DNAH6: variants seen among roughly 807,000 people sequenced by gnomAD.
DNAH6 encodes the protein axonemal beta dynein heavy chain 6.
DNAH6 carries 340 observed loss-of-function variants against 491.4 expected under a neutral mutation model. The ratio of observed to expected loss-of-function variants is 0.69; its 90% CI spans 0.63 to 0.76. DNAH6 has a LOEUF of 0.76. Ranked by LOEUF, DNAH6 falls within the 30% of genes least tolerant of loss-of-function variation. DNAH6 has a pLI of 0.00. For missense variants in DNAH6, 4,443 were observed against 4,972.2 expected (o/e 0.89, Z 3.20); for synonymous variants, 1,603 against 1,686.1 (o/e 0.95, Z 1.21).
intron 52 of DNAH6, 114 bp downstream of exon 52, chr2:84,705,861 T>G: frequency 8.2e-7 from 1 of 1,216,270 alleles, no homozygotes; most frequent in Non-Finnish European, 1.1e-6. Flanking sequence ...GTGACAAAAC[T>G]CTTGGAAATT....
chr2:84,632,023 C>T (rs77740754), intron 29 of DNAH6, among the ~76,000 whole-genome samples: 3,359 of 152,298 alleles, frequency 0.022, 53 homozygotes, highest in Middle Eastern at 0.1. Flanking sequence ...AACCCAATTG[C>T]GTCTGACTAC....
At chr2:84,751,020 A>T (rs1338501580) in intron 63 of DNAH6, 1 of 152,364 alleles carries the variant, frequency 6.6e-6, no homozygotes, top group Admixed American at 6.5e-5. Context: ...GCCAAGACCA[A>T]GGACAGTATC....
At chr2:84,556,537 T>C (rs1206316182) in intron 10 of DNAH6, among the ~76,000 whole-genome samples, 3 of 152,246 alleles carry the variant, frequency 2.0e-5, no homozygotes, top group Non-Finnish European at 4.4e-5. Flanking sequence ...CTTTATCTCA[T>C]TTTCTCTAAT....
At chr2:84,602,684 G>C (rs1685364164) in intron 18 of DNAH6, among the ~76,000 whole-genome samples, 1 of 150,108 alleles carries the variant, frequency 6.7e-6, no homozygotes, top group Non-Finnish European at 1.5e-5. Flanking sequence ...TTTTGCAGCT[G>C]TTATTTTTCA....
In DNAH6 at chr2:84,604,323, A is replaced by C. The variant is rs1190252069; in HGVS notation, c.2869-16A>C. 2.1e-5 allele frequency: 32 copies of C among 1,540,002 alleles called. No individual in the cohort carries two copies. Among genetic ancestry groups the C allele is most frequent in the Non-Finnish European group, 2.8e-5 (32 of 1,136,192 alleles). On this transcript the variant is annotated splice_polypyrimidine_tract_variant and intron_variant, in intron 18 of 76. Coordinates refer to ENST00000389394, the MANE Select transcript of DNAH6 (RefSeq NM_001370.2). ...AGATAAAAAGCTTCATGTCTCTGAG[A>C]GTGTTTGTTTTTCAGCTTCCAGTTA...
rs532782813 is a variant in DNAH6, at chr2:84,607,009, A to C, written c.3208A>C (p.Thr1070Pro). The part of the protein sequence containing the change: ...LLDDSTINVA[T>P]LASSRYLGPL... ...TGATGATAGCACCATCAATGTTGCA[A>C]CTCTTGCCTCATCACGTTACCTTGG... Residue 1070 changes from threonine to proline, a missense_variant, in exon 21 of 77, where the codon ACT (threonine) becomes CCT (proline). Thr to Pro is a conservative substitution (Grantham distance 38). Transcript: ENST00000389394. The C allele has an allele frequency of 1.9e-6, 3 of 1,551,196 alleles. No homozygotes were observed. The highest frequency in any genetic ancestry group is 2.7e-5 in the African/African-American group (2 of 72,986).
At chr2:84,567,240 G>T (rs3886211) in intron 11 of DNAH6, among the ~76,000 whole-genome samples, 1 of 151,628 alleles carries the variant, frequency 6.6e-6, no homozygotes, top group African/African-American at 2.4e-5. Context: ...TAGAGAGAGG[G>T]GAAACCAAAA....
chr2:84,524,210 CT>C (rs879620747), intron 2 of DNAH6, among the ~76,000 whole-genome samples: 2,439 of 141,606 alleles, frequency 0.017, 55 homozygotes, highest in African/African-American at 0.052. Flanking sequence ...CCTTTTTTGT[CT>C]TTTTTTTTTT....
intron 61 of DNAH6, among the ~76,000 whole-genome samples, chr2:84,732,446 A>C (rs1370570772): frequency 6.6e-6 from 1 of 152,230 alleles, no homozygotes; most frequent in Non-Finnish European, 1.5e-5. Context: ...AATATTATTC[A>C]ACCATAAGAA....
Position 84,727,809 on chromosome 2 carries a change from C to T in DNAH6, c.10113C>T (p.Ser3371=), listed in dbSNP as rs1488017176. The change falls in exon 61 of 77, where the codon AGC becomes AGT. Residue 3371 remains serine, a synonymous_variant. Coordinates refer to ENST00000389394, the MANE Select transcript of DNAH6 (RefSeq NM_001370.2). ...GLFEQHKLIY[S]FMLCVEMMRQ... ...TTGAGCAACATAAACTCATCTACAG[C>T]TTTATGCTTTGTGTTGAGATGATGC... 1 of 1,551,784 alleles carries T rather than the reference C, an allele frequency of 6.4e-7. No individual in the cohort carries two copies. The highest frequency in any genetic ancestry group is 8.7e-7 in the Non-Finnish European group (1 of 1,146,814).
intron 4 of DNAH6, among the ~76,000 whole-genome samples, chr2:84,529,426 A>G (rs564988101): frequency 6.6e-6 from 1 of 152,240 alleles, no homozygotes; most frequent in Non-Finnish European, 1.5e-5. Flanking sequence ...ATTTTTAATC[A>G]GTATTACATA....
intron 31 of DNAH6, among the ~76,000 whole-genome samples, chr2:84,638,490 A>G (rs1022594527): frequency 6.6e-6 from 1 of 152,084 alleles, no homozygotes; most frequent in Non-Finnish European, 1.5e-5. Flanking sequence ...GCTCCATGCT[A>G]CATTTCATAA....
Position 84,520,585 on chromosome 2 carries a change from C to A in DNAH6, c.225+2534C>A, listed in dbSNP as rs182867488. Among the ~76,000 whole-genome samples the A allele has an allele frequency of 3.4e-3, 523 of 152,176 alleles. 1 individual carries two copies. Among genetic ancestry groups the A allele is most frequent in the African/African-American group, 0.011 (475 of 41,542 alleles). The stretch of plus-strand genomic sequence containing the variant: ...TCCTCTCCCTCCTCACACCCTCCTC[C>A]CTCAAGTAGACTCCAGGGTCTCTTG... On this transcript the variant is annotated intron_variant, in intron 2 of 76. Transcript: ENST00000389394.
At chr2:84,610,549 T>C (rs1166321321) in intron 21 of DNAH6, among the ~76,000 whole-genome samples, 1 of 152,204 alleles carries the variant, frequency 6.6e-6, no homozygotes, top group African/African-American at 2.4e-5. Flanking sequence ...CTTTTGATTT[T>C]ATTCCACCTT....
At chr2:84,507,379 G>A in the DNAH6 span, among the ~76,000 whole-genome samples, 39 of 152,176 alleles carry the variant, frequency 2.6e-4, no homozygotes, top group Non-Finnish European at 5.3e-4. Context: ...TCTGTTATTG[G>A]TGTATAAGAA....
intron 41 of DNAH6, among the ~76,000 whole-genome samples, chr2:84,677,538 G>T (rs1693361742): frequency 1.3e-5 from 2 of 152,100 alleles, no homozygotes; most frequent in South Asian, 4.1e-4. Context: ...CACCTGATAT[G>T]CCAGAGAGCT....
chr2:84,714,176 C>A (rs1003615494), intron 57 of DNAH6, among the ~76,000 whole-genome samples: 2 of 152,208 alleles, frequency 1.3e-5, no homozygotes, highest in Non-Finnish European at 2.9e-5. Context: ...TTCTTCACCA[C>A]CACAACCCTC....
intron 11 of DNAH6, among the ~76,000 whole-genome samples, chr2:84,567,110 G>T (rs1681282092): frequency 6.6e-6 from 1 of 151,974 alleles, no homozygotes; most frequent in South Asian, 2.1e-4. Context: ...TGATAAATTT[G>T]ATTATACAAC....
chr2:84,538,805 T>C (rs376260731), intron 4 of DNAH6, among the ~76,000 whole-genome samples: 28 of 152,206 alleles, frequency 1.8e-4, no homozygotes, highest in African/African-American at 6.7e-4. Flanking sequence ...TGGTTGTTTC[T>C]AAACTTGTTA....
Sources: allele counts gnomAD v4.1 joint callset (sites outside exome capture counted in the v4.1 genomes callset), GRCh38; gene constraint gnomAD v4.1.1; transcripts MANE v1.5; gene names NCBI Gene and HGNC (gene_info 2026-07-23, HGNC 2026-07-21).